Variants in TNR observed in about 807,000 individuals in gnomAD.
The protein encoded by TNR is tenascin R, also known as tenascin-R.
TNR carries 45 observed loss-of-function variants against 150.4 expected under a neutral mutation model. The observed-to-expected ratio is 0.30, with a 90% CI of 0.24 to 0.38. The LOEUF (loss-of-function observed/expected upper bound fraction) is 0.38, where lower values mean the gene tolerates loss of function less well. Among genes scored for constraint, TNR ranks in the 10% least tolerant of loss-of-function variants. The pLI is 1.00. For missense variants in TNR, 1,544 were observed against 1,759.1 expected, an observed-to-expected ratio of 0.88 and a Z score of 2.19; for synonymous variants, 687 against 678.4, an observed-to-expected ratio of 1.01 and a Z score of -0.20.
At chr1:175,424,045 T>C (rs1654866439) in intron 2 of TNR, among the ~76,000 whole-genome samples, 1 of 152,382 alleles carries the variant, frequency 6.6e-6, no homozygotes, top group Admixed American at 6.5e-5. Context: ...ATATTTATTA[T>C]AGAATAACTA....
intron 1 of TNR, among the ~76,000 whole-genome samples, chr1:175,680,846 C>T (rs76963602): frequency 1.3e-5 from 2 of 152,178 alleles, no homozygotes; most frequent in African/African-American, 4.8e-5. Flanking sequence ...AAAGAAGTCA[C>T]TTTATGTGGT....
chr1:175,475,287 A>G (rs1657498750), intron 2 of TNR, among the ~76,000 whole-genome samples: 1 of 152,146 alleles, frequency 6.6e-6, no homozygotes, highest in African/African-American at 2.4e-5. Context: ...TTTCTGCCAA[A>G]GTAAATTTAG....
chr1:175,521,970 C>T (rs1190421054), intron 2 of TNR, among the ~76,000 whole-genome samples: 1 of 152,212 alleles, frequency 6.6e-6, no homozygotes, highest in African/African-American at 2.4e-5. Context: ...AAGCATGATA[C>T]ATACTTCTTT....
intron 1 of TNR, among the ~76,000 whole-genome samples, chr1:175,666,451 T>C (rs1015808772): frequency 3.3e-5 from 5 of 152,208 alleles, no homozygotes; most frequent in Non-Finnish European, 5.9e-5. Context: ...AGGGAGGCTG[T>C]CAGCCACATG....
chr1:175,556,614 G>C (rs1024261854), intron 1 of TNR: 1 of 152,716 alleles, frequency 6.5e-6, no homozygotes, highest in East Asian at 1.9e-4. Flanking sequence ...TGCTTTCTTG[G>C]TTGTTTAGCC....
chr1:175,414,019 G>A (rs1195426709), intron 2 of TNR, among the ~76,000 whole-genome samples: 2 of 152,148 alleles, frequency 1.3e-5, no homozygotes, highest in African/African-American at 4.8e-5. Flanking sequence ...TGTAGCCCCA[G>A]CTACTTGGGA....
chr1:175,594,067 C>A (rs943646126), intron 1 of TNR, among the ~76,000 whole-genome samples: 11 of 152,194 alleles, frequency 7.2e-5, no homozygotes, highest in African/African-American at 2.7e-4. Context: ...AGGAGACTCC[C>A]ATTTCCTAGT....
At position 175,656,180 on chromosome 1, in the gene TNR, GTGTGTGTGTGTA is replaced by G. The variant is rs1299985723; in HGVS notation, c.-165+87034_-165+87045del. On this transcript the variant is annotated intron_variant, in intron 1 of 22. Coordinates refer to ENST00000367674, the MANE Select transcript of TNR (RefSeq NM_003285.3). Reference sequence around the variant, plus strand: ...TGTGTGTGTGTGTGTGTGTGTGTGTGTGTGTGTGTGTATGTGGTCTACCTTTTTCTAATTTGC... The same window carrying G: ...TGTGTGTGTGTGTGTGTGTGTGTGTGTGTGGTCTACCTTTTTCTAATTTGC... Among the ~76,000 whole-genome samples the G allele has an allele frequency of 7.6e-3, 1,136 of 149,552 alleles. 16 individuals carry two copies. The highest frequency in any genetic ancestry group is 0.025 in the African/African-American group (969 of 39,550).
At chr1:175,693,456 T>A (rs1666432663) in intron 1 of TNR, among the ~76,000 whole-genome samples, 1 of 152,200 alleles carries the variant, frequency 6.6e-6, no homozygotes. Context: ...TAGAGCCCCG[T>A]CTCCATTGAT....
intron 1 of TNR, among the ~76,000 whole-genome samples, chr1:175,573,601 G>A (rs1459584808): frequency 6.6e-6 from 1 of 151,924 alleles, no homozygotes; most frequent in Non-Finnish European, 1.5e-5. Flanking sequence ...TGGGATTAAC[G>A]ACTGTACAGC....
At chr1:175,687,659 G>C (rs940774714) in intron 1 of TNR, among the ~76,000 whole-genome samples, 2 of 151,916 alleles carry the variant, frequency 1.3e-5, no homozygotes, top group Non-Finnish European at 2.9e-5. Context: ...TCTCCCATGT[G>C]CCTTCTTTTC....
chr1:175,467,575 C>T (rs746954110), intron 2 of TNR, among the ~76,000 whole-genome samples: 3 of 152,260 alleles, frequency 2.0e-5, no homozygotes, highest in East Asian at 3.9e-4. Flanking sequence ...AGGGAGGCAT[C>T]GAGAGATGGC....
intron 1 of TNR, among the ~76,000 whole-genome samples, chr1:175,619,264 C>T (rs1291119925): frequency 6.6e-6 from 1 of 152,162 alleles, no homozygotes; most frequent in Non-Finnish European, 1.5e-5. Flanking sequence ...AGAGCATTGT[C>T]CATTCCTGTC....
intron 2 of TNR, among the ~76,000 whole-genome samples, chr1:175,454,967 A>G (rs1656500863): frequency 6.6e-6 from 1 of 152,174 alleles, no homozygotes; most frequent in African/African-American, 2.4e-5. Context: ...TTCAACTAAT[A>G]GAGGATGGAG....
intron 1 of TNR, among the ~76,000 whole-genome samples, chr1:175,586,849 T>C (rs560525600): frequency 6.6e-6 from 1 of 152,340 alleles, no homozygotes; most frequent in East Asian, 1.9e-4. Context: ...GAAGTCATTC[T>C]GGTCACTTCA....
chr1:175,396,894 C>A (rs1331262348), intron 4 of TNR, 87 bp from the exon 5 acceptor site: 9 of 1,516,070 alleles, frequency 5.9e-6, no homozygotes, highest in South Asian at 1.3e-5. Flanking sequence ...CATCTCACCC[C>A]CCATGCCATG....
intron 1 of TNR, among the ~76,000 whole-genome samples, chr1:175,734,820 A>G (rs1667728593): frequency 1.3e-5 from 2 of 152,134 alleles, no homozygotes; most frequent in Admixed American, 1.3e-4. Context: ...CTCCCACCCC[A>G]TGGCTGGCTC....
At position 175,416,300 on chromosome 1, in the gene TNR, G is replaced by C. The variant is rs1654444197; in HGVS notation, c.-63-9523C>G. ...TTTGCCCAAGACACACAGTAAGTTA[G>C]AGCCAGACTAAGTCCTGAATCACAT... On this transcript the variant is annotated intron_variant, in intron 2 of 22. Transcript: ENST00000367674. Among the ~76,000 whole-genome samples, 4 of 152,276 alleles carry C rather than the reference G, an allele frequency of 2.6e-5. No homozygotes were observed. The South Asian group carries it at 8.3e-4, about 32-fold the overall frequency.
chr1:175,689,560 A>G (rs190862772), intron 1 of TNR, among the ~76,000 whole-genome samples: 1 of 152,268 alleles, frequency 6.6e-6, no homozygotes, highest in East Asian at 1.9e-4. Context: ...GTGATAGAGA[A>G]TCAATTGGCT....
Sources: allele counts gnomAD v4.1 joint callset (sites outside exome capture counted in the v4.1 genomes callset), GRCh38; gene constraint gnomAD v4.1.1; transcripts MANE v1.5; gene names NCBI Gene and HGNC (gene_info 2026-07-23, HGNC 2026-07-21).